Variants in UNC13C observed in about 807,000 individuals in gnomAD.
The protein encoded by UNC13C is unc-13 homolog C, also known as protein unc-13 homolog C.
A neutral mutation model predicts 245.4 loss-of-function variants in UNC13C; 174 were observed. The ratio of observed to expected loss-of-function variants is 0.71; its 90% CI spans 0.63 to 0.80. The LOEUF (loss-of-function observed/expected upper bound fraction) is 0.80. UNC13C is among the 30% of genes least tolerant of loss of function. UNC13C has a pLI of 0.00. For missense variants in UNC13C, 2,829 were observed against 2,602.9 expected (o/e 1.09, Z -1.89); for synonymous variants, 992 against 895.1 (o/e 1.11, Z -1.93).
chr15:54,287,048 T>A (rs996616563), intron 10 of UNC13C, among the ~76,000 whole-genome samples: 1 of 152,180 alleles, frequency 6.6e-6, no homozygotes, highest in Non-Finnish European at 1.5e-5. Context: ...GCAGTAAAAA[T>A]TCTTAATTTC....
intron 19 of UNC13C, among the ~76,000 whole-genome samples, chr15:54,444,598 C>T (rs1890704119): frequency 6.6e-6 from 1 of 151,254 alleles, no homozygotes; most frequent in Non-Finnish European, 1.5e-5. Flanking sequence ...TTTGTATATC[C>T]TTTGTTTCAC....
intron 10 of UNC13C, among the ~76,000 whole-genome samples, chr15:54,280,461 A>G: frequency 6.6e-6 from 1 of 151,578 alleles, no homozygotes; most frequent in Middle Eastern, 3.5e-3. Flanking sequence ...TTCTATTAAA[A>G]TATTGACAAT....
At chr15:54,052,661 C>T (rs1897322177) in intron 2 of UNC13C, among the ~76,000 whole-genome samples, 1 of 152,100 alleles carries the variant, frequency 6.6e-6, no homozygotes, top group Admixed American at 6.6e-5. Context: ...TTGTTAAAAC[C>T]TATCTTAAGT....
intron 16 of UNC13C, among the ~76,000 whole-genome samples, chr15:54,334,529 C>G (rs11635237): frequency 0.25 from 38,258 of 151,818 alleles, 5,250 homozygotes; most frequent in Admixed American, 0.34. Context: ...TCCTAAATAG[C>G]AACAATTTTT....
intron 4 of UNC13C, among the ~76,000 whole-genome samples, chr15:54,173,357 A>C (rs982513041): frequency 6.6e-6 from 1 of 152,034 alleles, no homozygotes; most frequent in African/African-American, 2.4e-5. Context: ...AAGAACATGT[A>C]ATGTGTCTCC....
At chr15:54,069,195 C>T (rs983886229) in intron 2 of UNC13C, among the ~76,000 whole-genome samples, 1 of 152,162 alleles carries the variant, frequency 6.6e-6, no homozygotes, top group Non-Finnish European at 1.5e-5. Flanking sequence ...GGAGTGCGTT[C>T]CTCTTCTGTC....
At chr15:54,547,728 C>T (rs191657781) in intron 27 of UNC13C, among the ~76,000 whole-genome samples, 17 of 152,176 alleles carry the variant, frequency 1.1e-4, no homozygotes, top group Non-Finnish European at 1.0e-4. Context: ...CTTTGAGTTT[C>T]GCTTAATGCC....
chr15:54,351,094 T>C (rs1481903965), intron 17 of UNC13C, among the ~76,000 whole-genome samples: 5 of 152,182 alleles, frequency 3.3e-5, no homozygotes, highest in Non-Finnish European at 7.4e-5. Flanking sequence ...TGGGACATTT[T>C]AGTAAGTCAA....
chr15:54,185,371 C>G (rs1263241404), intron 4 of UNC13C, among the ~76,000 whole-genome samples: 9 of 151,662 alleles, frequency 5.9e-5, no homozygotes, highest in African/African-American at 1.9e-4. Context: ...ATGGTATTGC[C>G]TAGGTTTTCT....
At chr15:53,900,834 G>T in the UNC13C span, among the ~76,000 whole-genome samples, 2 of 152,122 alleles carry the variant, frequency 1.3e-5, no homozygotes, top group African/African-American at 4.8e-5. Context: ...GTACTATGTT[G>T]TTAATCAATT....
Position 54,393,179 on chromosome 15 carries a change from T to G in UNC13C, c.4845T>G (p.Asn1615Lys). ...EDKTAYTPVL[N>K]QFPQELNMGK... The stretch of plus-strand genomic sequence containing the variant: ...AAACTGCCTACACACCTGTCCTGAA[T>G]CAGTAAGTACAATGTTTTGGAAATG... Residue 1615 changes from asparagine (N) to lysine (K), a missense_variant and splice_region_variant, in exon 18 of 33, where the codon AAT becomes AAG. Asn to Lys is a moderately conservative substitution (Grantham distance 94, BLOSUM62 0). Coordinates refer to ENST00000260323, the MANE Select transcript of UNC13C (RefSeq NM_001080534.3). The G allele has an allele frequency of 6.3e-7, 1 of 1,576,788 alleles. No individual in the cohort carries two copies. Among genetic ancestry groups the G allele is most frequent in the Non-Finnish European group, 8.6e-7 (1 of 1,166,328 alleles).
At chr15:54,204,525 T>C (rs2034648607) in intron 4 of UNC13C, among the ~76,000 whole-genome samples, 1 of 151,978 alleles carries the variant, frequency 6.6e-6, no homozygotes, top group South Asian at 2.1e-4. Flanking sequence ...TAACCAGATA[T>C]AAAGTATCAA....
intron 23 of UNC13C, among the ~76,000 whole-genome samples, chr15:54,509,496 C>G (rs1894641329): frequency 6.6e-6 from 1 of 152,034 alleles, no homozygotes; most frequent in Non-Finnish European, 1.5e-5. Context: ...TTCATATTCA[C>G]TATGTTTCAG....
chr15:53,903,905 TAG>T, the UNC13C span, among the ~76,000 whole-genome samples: 1 of 152,156 alleles, frequency 6.6e-6, no homozygotes, highest in Non-Finnish European at 1.5e-5. Flanking sequence ...CCATCTGAGA[TAG>T]AGAGCAATTA....
At chr15:53,901,222 T>C in the UNC13C span, among the ~76,000 whole-genome samples, 1 of 145,650 alleles carries the variant, frequency 6.9e-6, no homozygotes, top group Non-Finnish European at 1.5e-5. Context: ...AGATTTCTTT[T>C]TTTTTTTTTT....
At chr15:54,618,902 C>T (rs1900621946) in intron 30 of UNC13C, among the ~76,000 whole-genome samples, 1 of 152,110 alleles carries the variant, frequency 6.6e-6, no homozygotes. Flanking sequence ...CTTTTAAAGA[C>T]ATTTTGTCAA....
chr15:54,281,690 G>A (rs966620477), intron 10 of UNC13C, among the ~76,000 whole-genome samples: 5 of 152,140 alleles, frequency 3.3e-5, no homozygotes, highest in Non-Finnish European at 7.3e-5. Context: ...ACTCCAAAGT[G>A]CTATACTAAG....
chr15:54,161,230 C>A (rs542554171), intron 4 of UNC13C, among the ~76,000 whole-genome samples: 2 of 152,250 alleles, frequency 1.3e-5, no homozygotes, highest in Non-Finnish European at 2.9e-5. Context: ...TCCCAAATAG[C>A]CGAGACCACA....
chr15:54,330,264 A>G (rs1281720741), intron 14 of UNC13C, among the ~76,000 whole-genome samples: 1 of 152,130 alleles, frequency 6.6e-6, no homozygotes, highest in Non-Finnish European at 1.5e-5. Context: ...TTTCAAAACA[A>G]TAAGTCATTG....
Sources: gnomAD v4.1 joint callset for allele counts (sites outside exome capture counted in the v4.1 genomes callset) on GRCh38, gnomAD v4.1.1 for gene constraint, MANE v1.5 for transcripts, NCBI Gene and HGNC (gene_info 2026-07-23, HGNC 2026-07-21) for gene names.